TRDN: variants seen among roughly 807,000 people sequenced by gnomAD.
The protein encoded by TRDN is triadin, also known as triadin in skeletal muscle.
In TRDN, 161 loss-of-function variants were observed where a neutral mutation model predicts 149.7. The ratio of observed to expected loss-of-function variants is 1.08; its 90% CI spans 0.95 to 1.23. TRDN has a LOEUF of 1.23. TRDN is among the 50% of genes most tolerant of loss of function. The pLI is 0.00. For missense variants in TRDN, 896 were observed against 823.5 expected, an observed-to-expected ratio of 1.09 and a Z score of -1.08; for synonymous variants, 294 against 250.5, an observed-to-expected ratio of 1.17 and a Z score of -1.64.
At chr6:123,585,375 A>G (rs1783412823) in intron 1 of TRDN, among the ~76,000 whole-genome samples, 1 of 152,076 alleles carries the variant, frequency 6.6e-6, no homozygotes, top group Non-Finnish European at 1.5e-5. Context: ...CCTGGCCATC[A>G]ATACCCACAA....
At chr6:123,366,697 T>C (rs1781113384) in intron 19 of TRDN, among the ~76,000 whole-genome samples, 1 of 152,112 alleles carries the variant, frequency 6.6e-6, no homozygotes, top group Non-Finnish European at 1.5e-5. Context: ...TTTGTATTTT[T>C]AGTAGAGACG....
intron 23 of TRDN, among the ~76,000 whole-genome samples, chr6:123,325,610 C>A (rs1363441018): frequency 6.6e-6 from 1 of 151,970 alleles, no homozygotes; most frequent in Non-Finnish European, 1.5e-5. Flanking sequence ...CAAAATAAAT[C>A]CCTGTTATAT....
chr6:123,330,067 A>G (rs1779604774), intron 23 of TRDN, among the ~76,000 whole-genome samples: 1 of 152,116 alleles, frequency 6.6e-6, no homozygotes, highest in African/African-American at 2.4e-5. Flanking sequence ...GAAAGAAGAT[A>G]CTTGGAAGAG....
intron 10 of TRDN, among the ~76,000 whole-genome samples, chr6:123,463,340 GAA>G (rs757396311): frequency 8.3e-6 from 1 of 119,834 alleles, no homozygotes; most frequent in Non-Finnish European, 1.8e-5. Flanking sequence ...TCCGTCTCAA[GAA>G]AAAAAAAAAA....
intron 24 of TRDN, among the ~76,000 whole-genome samples, chr6:123,292,896 C>G (rs867832298): frequency 2.2e-4 from 34 of 152,278 alleles, no homozygotes; most frequent in South Asian, 1.7e-3. Flanking sequence ...GATTGTAATA[C>G]TTCCTTTGTA....
At chr6:123,402,919 T>C (rs926625527) in intron 12 of TRDN, among the ~76,000 whole-genome samples, 1 of 152,220 alleles carries the variant, frequency 6.6e-6, no homozygotes, top group Non-Finnish European at 1.5e-5. Context: ...GGTTTTAACA[T>C]AATTTAACTA....
At chr6:123,392,746 T>C (rs1045212020) in intron 13 of TRDN, among the ~76,000 whole-genome samples, 2 of 151,986 alleles carry the variant, frequency 1.3e-5, no homozygotes, top group African/African-American at 4.8e-5. Flanking sequence ...ATGTTACCAA[T>C]ATTTTCGGGG....
intron 10 of TRDN, among the ~76,000 whole-genome samples, chr6:123,461,703 G>A (rs1174752657): frequency 6.6e-6 from 1 of 152,180 alleles, no homozygotes; most frequent in Non-Finnish European, 1.5e-5. Context: ...AAGTTGTTCT[G>A]TTTAACCGCT....
intron 1 of TRDN, among the ~76,000 whole-genome samples, chr6:123,623,672 T>C (rs1245358614): frequency 6.6e-6 from 1 of 152,238 alleles, no homozygotes; most frequent in East Asian, 1.9e-4. Flanking sequence ...TTTTAGGATC[T>C]AGGGATGTTG....
At chr6:123,359,793 T>C (rs1366829189) in intron 20 of TRDN, among the ~76,000 whole-genome samples, 1 of 152,112 alleles carries the variant, frequency 6.6e-6, no homozygotes, top group African/African-American at 2.4e-5. Context: ...CCTCCTGGGT[T>C]CACGCCATTC....
At chr6:123,595,819 A>G (rs747756567) in intron 1 of TRDN, among the ~76,000 whole-genome samples, 1 of 152,064 alleles carries the variant, frequency 6.6e-6, no homozygotes, top group Non-Finnish European at 1.5e-5. Context: ...TGATTGATAA[A>G]TGTTGTGTGT....
At chr6:123,327,417 T>A (rs1311323116) in intron 23 of TRDN, among the ~76,000 whole-genome samples, 1 of 152,156 alleles carries the variant, frequency 6.6e-6, no homozygotes, top group Non-Finnish European at 1.5e-5. Flanking sequence ...ATATTTTTTA[T>A]ATGAATCTAT....
At chr6:123,348,450 G>T (rs868381774) in intron 21 of TRDN, among the ~76,000 whole-genome samples, 1 of 152,032 alleles carries the variant, frequency 6.6e-6, no homozygotes, top group Non-Finnish European at 1.5e-5. Context: ...CATTAATTTG[G>T]TCCAGGAACT....
At chr6:123,509,742 T>C (rs1467486536) in intron 7 of TRDN, 1 of 152,168 alleles carries the variant, frequency 6.6e-6, no homozygotes, top group Non-Finnish European at 1.5e-5. Context: ...TGTGCATTGA[T>C]TTAAGCCTCA....
At chr6:123,518,103 T>A (rs1168976482) in intron 5 of TRDN, among the ~76,000 whole-genome samples, 1 of 152,192 alleles carries the variant, frequency 6.6e-6, no homozygotes, top group African/African-American at 2.4e-5. Flanking sequence ...TAATAGACAC[T>A]GCTTGCTTCC....
At chr6:123,227,367 G>T (rs1322866097) in intron 38 of TRDN, among the ~76,000 whole-genome samples, 1 of 151,848 alleles carries the variant, frequency 6.6e-6, no homozygotes, top group South Asian at 2.1e-4. Flanking sequence ...TTTGAGTTTG[G>T]AGAAAGACAG....
chr6:123,261,513 A>T (rs1430011645), intron 33 of TRDN, among the ~76,000 whole-genome samples: 2 of 151,704 alleles, frequency 1.3e-5, no homozygotes, highest in Admixed American at 6.6e-5. Flanking sequence ...TTTTTTTTAA[A>T]AAAAACTTTG....
chr6:123,231,358 G>A (rs1775594961), intron 38 of TRDN, among the ~76,000 whole-genome samples: 1 of 152,020 alleles, frequency 6.6e-6, no homozygotes, highest in Non-Finnish European at 1.5e-5. Context: ...GATCAAAGAA[G>A]TTTTTTATGG....
At chr6:123,590,906 A>G (rs1317779800) in intron 1 of TRDN, among the ~76,000 whole-genome samples, 1 of 152,204 alleles carries the variant, frequency 6.6e-6, no homozygotes, top group Non-Finnish European at 1.5e-5. Flanking sequence ...TGCCAAAAAG[A>G]ATGGAAACCA....
Sources: allele counts gnomAD v4.1 joint callset (sites outside exome capture counted in the v4.1 genomes callset), GRCh38; gene constraint gnomAD v4.1.1; transcripts MANE v1.5; gene names NCBI Gene and HGNC (gene_info 2026-07-23, HGNC 2026-07-21).